The following LARP1 variants were observed in gnomAD, a reference collection of about 807,000 sequenced individuals.
LARP1 encodes la-related protein 1.
Under a neutral mutation model 122.7 loss-of-function variants are expected in LARP1, and 36 were observed. The observed-to-expected ratio is 0.29, with a 90% CI of 0.22 to 0.39. The LOEUF is 0.39. Ranked by LOEUF, LARP1 falls within the 10% of genes least tolerant of loss-of-function variation. LARP1 has a pLI of 1.00. For synonymous variants in LARP1, 539 were observed against 528.7 expected, an observed-to-expected ratio of 1.02 and a Z score of -0.27; for missense variants, 1,040 against 1,403.6, an observed-to-expected ratio of 0.74 and a Z score of 4.14.
chr5:154,779,196 T>A (rs1053775149), intron 1 of LARP1, among the ~76,000 whole-genome samples: 15 of 152,202 alleles, frequency 9.9e-5, no homozygotes, highest in African/African-American at 3.6e-4. Context: ...TAAGTCTGAC[T>A]CCTGGGATCA....
At chr5:154,766,239 C>T (rs1017732739) in intron 1 of LARP1, among the ~76,000 whole-genome samples, 5 of 152,124 alleles carry the variant, frequency 3.3e-5, no homozygotes, top group Non-Finnish European at 7.3e-5. Context: ...GGAGAGACAT[C>T]GAAGATTGTA....
At chr5:154,794,506 T>C (rs1757592490) in intron 7 of LARP1, among the ~76,000 whole-genome samples, 1 of 152,220 alleles carries the variant, frequency 6.6e-6, no homozygotes, top group African/African-American at 2.4e-5. Flanking sequence ...AAGGAAAATA[T>C]TTAGAATCTA....
At chr5:154,765,186 C>T (rs1007527222) in intron 1 of LARP1, among the ~76,000 whole-genome samples, 1 of 152,158 alleles carries the variant, frequency 6.6e-6, no homozygotes, top group African/African-American at 2.4e-5. Flanking sequence ...CTTCTTCACT[C>T]ATTCCCTTCC....
intron 1 of LARP1, among the ~76,000 whole-genome samples, chr5:154,716,487 C>T (rs1368422079): frequency 6.6e-6 from 1 of 152,164 alleles, no homozygotes; most frequent in Non-Finnish European, 1.5e-5. Context: ...ATCACTCTGT[C>T]ACCCAGGCTG....
chr5:154,723,115 CTTTCA>C (rs1755985303), intron 1 of LARP1, among the ~76,000 whole-genome samples: 1 of 152,230 alleles, frequency 6.6e-6, no homozygotes, highest in African/African-American at 2.4e-5. Context: ...TTCTTCCCAA[CTTTCA>C]TGTTCTGGGC....
intron 2 of LARP1, 43 bp downstream of exon 2, chr5:154,790,429 T>G: frequency 6.4e-7 from 1 of 1,572,580 alleles, no homozygotes; most frequent in South Asian, 1.1e-5. Context: ...TTTCTGGAGT[T>G]GGTGGCCTCT....
chr5:154,691,146 C>T (rs1424823190), intron 1 of LARP1, among the ~76,000 whole-genome samples: 1 of 151,638 alleles, frequency 6.6e-6, no homozygotes, highest in Admixed American at 6.6e-5. Context: ...CCTGTAGTCC[C>T]AGCTACTCGG....
intron 1 of LARP1, among the ~76,000 whole-genome samples, chr5:154,721,220 G>A (rs1279294093): frequency 6.6e-6 from 1 of 151,876 alleles, no homozygotes; most frequent in Non-Finnish European, 1.5e-5. Flanking sequence ...GGTGGTGCAC[G>A]TCTATAGTCC....
At position 154,809,240 on chromosome 5, in the gene LARP1, G is replaced by A. The variant is rs148659181; in HGVS notation, c.2843+637G>A. Among the ~76,000 whole-genome samples the A allele has an allele frequency of 5.2e-3, 787 of 151,386 alleles. 6 individuals are homozygous for A. Among genetic ancestry groups the A allele is most frequent in the African/African-American group, 0.018 (741 of 41,244 alleles). On this transcript the variant is annotated intron_variant, in intron 16 of 18. Coordinates refer to ENST00000518297, the MANE Select transcript of LARP1 (RefSeq NM_033551.3). ...AGCGCTTCGGGAGGTCAAGGCAGAAGGATCACTTGAGCCCAGGAGTTCGAG... is the reference window on the plus strand; with the variant it reads ...AGCGCTTCGGGAGGTCAAGGCAGAAAGATCACTTGAGCCCAGGAGTTCGAG...
chr5:154,811,556 T>C lies in LARP1; in HGVS notation c.2997T>C (p.Tyr999=), dbSNP rs757243170. 2 of 1,614,090 alleles carry C rather than the reference T, an allele frequency of 1.2e-6. No homozygotes were observed. Among genetic ancestry groups the C allele is most frequent in the Non-Finnish European group, 1.7e-6 (2 of 1,180,048 alleles). Residue 999 remains tyrosine (Y), a synonymous_variant, in exon 18 of 19, where the codon TAT becomes TAC. Coordinates refer to ENST00000518297, the MANE Select transcript of LARP1 (RefSeq NM_033551.3). ...GLEKFWAFLK[Y]SKAKNLDIDP... is the part of the protein sequence containing the mutation. Reference sequence around the variant, plus strand: ...AGAAGTTCTGGGCCTTCTTGAAATATTCCAAAGCCAAAAATTTGGACATTG... The same window carrying C: ...AGAAGTTCTGGGCCTTCTTGAAATACTCCAAAGCCAAAAATTTGGACATTG...
chr5:154,685,940 A>G (rs1753921880), intron 1 of LARP1: 2 of 478,536 alleles, frequency 4.2e-6, no homozygotes, highest in Non-Finnish European at 8.0e-6. Context: ...GATTCGGTTA[A>G]TCCTCCTTTG....
At chr5:154,809,142 G>A (rs1561634657) in intron 16 of LARP1, among the ~76,000 whole-genome samples, 1 of 151,796 alleles carries the variant, frequency 6.6e-6, no homozygotes, top group Non-Finnish European at 1.5e-5. Flanking sequence ...TACTTAGGTT[G>A]TTTCCAATAT....
chr5:154,806,570 A>G (rs1483622102), intron 15 of LARP1, among the ~76,000 whole-genome samples: 1 of 152,234 alleles, frequency 6.6e-6, no homozygotes, highest in African/African-American at 2.4e-5. Context: ...TTACAAAAGT[A>G]GTTTGCTGAT....
At chr5:154,750,840 C>T (rs1370317856), upstream of LARP1, among the ~76,000 whole-genome samples, 1 of 150,702 alleles carries the variant, frequency 6.6e-6, no homozygotes, top group South Asian at 2.1e-4. Context: ...CTCAAATTCC[C>T]GGGCTCAAGC....
intron 2 of LARP1, 84 bp downstream of exon 2, chr5:154,790,470 C>A: frequency 2.2e-6 from 3 of 1,369,982 alleles, no homozygotes; most frequent in Non-Finnish European, 3.1e-6. Context: ...CCTGGACTGC[C>A]AACTAGTTCT....
At chr5:154,771,288 C>A (rs1755407202) in intron 1 of LARP1, among the ~76,000 whole-genome samples, 1 of 152,128 alleles carries the variant, frequency 6.6e-6, no homozygotes, top group Non-Finnish European at 1.5e-5. Context: ...TTCCTGGAGA[C>A]CCTCTGCTAA....
chr5:154,785,747 G>A (rs1413845293), intron 1 of LARP1, among the ~76,000 whole-genome samples: 2 of 152,064 alleles, frequency 1.3e-5, no homozygotes, highest in Non-Finnish European at 2.9e-5. Context: ...ATTCGAGGTC[G>A]TGTGGTCATT....
chr5:154,702,894 C>A (rs76708976), intron 1 of LARP1, among the ~76,000 whole-genome samples: 1 of 151,240 alleles, frequency 6.6e-6, no homozygotes, highest in Admixed American at 6.6e-5. Flanking sequence ...CCGAGGTGGG[C>A]GGATCACGAG....
intron 8 of LARP1, among the ~76,000 whole-genome samples, chr5:154,796,604 T>C (rs1757874055): frequency 6.6e-6 from 1 of 152,178 alleles, no homozygotes; most frequent in Non-Finnish European, 1.5e-5. Context: ...ATCATAATGA[T>C]GTATTTTCTC....
Sources: gnomAD v4.1 joint callset for allele counts (sites outside exome capture counted in the v4.1 genomes callset) on GRCh38, gnomAD v4.1.1 for gene constraint, MANE v1.5 for transcripts, NCBI Gene and HGNC (gene_info 2026-07-23, HGNC 2026-07-21) for gene names.